IGSF11: variants seen among roughly 807,000 people sequenced by gnomAD.
The protein encoded by IGSF11 is immunoglobulin superfamily member 11, also known as CXADR like 1.
In IGSF11, 22 loss-of-function variants were observed where a neutral mutation model predicts 41.0. The ratio of observed to expected loss-of-function variants is 0.54; its 90% confidence interval spans 0.38 to 0.77. The LOEUF (loss-of-function observed/expected upper bound fraction) is 0.77, where lower values mean the gene tolerates loss of function less well. Ranked by LOEUF, IGSF11 falls within the 30% of genes least tolerant of loss-of-function variation. The probability of loss-of-function intolerance (pLI) is 0.00; values close to 1 mark genes in which losing one functional copy is unlikely to be tolerated. For synonymous variants in IGSF11, 219 were observed against 201.3 expected (o/e 1.09, Z -0.74); for missense variants, 444 against 530.8 (o/e 0.84, Z 1.61).
At chr3:118,943,579 A>G (rs1943880348) in intron 1 of IGSF11, among the ~76,000 whole-genome samples, 1 of 152,218 alleles carries the variant, frequency 6.6e-6, no homozygotes, top group African/African-American at 2.4e-5. Context: ...AGAGAAAATA[A>G]AATTTCTTGC....
At chr3:119,136,403 C>T (rs2077562514) in intron 1 of IGSF11, among the ~76,000 whole-genome samples, 1 of 151,978 alleles carries the variant, frequency 6.6e-6, no homozygotes, top group Non-Finnish European at 1.5e-5. Flanking sequence ...AAAAACATGA[C>T]CCAATGATCT....
At chr3:119,132,105 C>T (rs1323530522) in intron 1 of IGSF11, among the ~76,000 whole-genome samples, 2 of 152,044 alleles carry the variant, frequency 1.3e-5, no homozygotes, top group Non-Finnish European at 2.9e-5. Flanking sequence ...ACATGCCAAA[C>T]TGTAAAGACC....
At chr3:118,994,654 G>C (rs1936098395) in intron 1 of IGSF11, among the ~76,000 whole-genome samples, 1 of 152,184 alleles carries the variant, frequency 6.6e-6, no homozygotes, top group Admixed American at 6.5e-5. Context: ...AGAGAGAAGA[G>C]ATGAGACGAG....
intron 1 of IGSF11, among the ~76,000 whole-genome samples, chr3:119,015,985 G>A (rs1050398069): frequency 6.6e-6 from 1 of 152,330 alleles, no homozygotes. Context: ...GAATGGGGGT[G>A]CAGGTGCAAA....
upstream of IGSF11, among the ~76,000 whole-genome samples, chr3:119,108,010 G>T (rs1029156734): frequency 9.9e-5 from 15 of 151,580 alleles, no homozygotes; most frequent in South Asian, 2.9e-3. Context: ...ATAGTTTGAA[G>T]TCAGGTAGTG....
chr3:119,105,106 T>G (rs2077000597), intron 1 of IGSF11: 1 of 1,391,842 alleles, frequency 7.2e-7, no homozygotes, highest in Non-Finnish European at 1.0e-6. Context: ...TAATAACCAC[T>G]AATAGTAATA....
chr3:118,974,149 T>C (rs1207939169), intron 1 of IGSF11, among the ~76,000 whole-genome samples: 1 of 151,974 alleles, frequency 6.6e-6, no homozygotes, highest in Non-Finnish European at 1.5e-5. Context: ...ATAGGGTTCA[T>C]ACAGAAGAGC....
At chr3:119,058,080 A>G (rs1344476200) in intron 1 of IGSF11, among the ~76,000 whole-genome samples, 2 of 152,254 alleles carry the variant, frequency 1.3e-5, no homozygotes, top group African/African-American at 4.8e-5. Context: ...CTTCATGTCT[A>G]AAACACCAAA....
At chr3:119,111,237 G>A (rs192156117) in intron 1 of IGSF11, among the ~76,000 whole-genome samples, 11 of 152,298 alleles carry the variant, frequency 7.2e-5, no homozygotes, top group Admixed American at 3.3e-4. Flanking sequence ...CCAATCAGAC[G>A]TAGATTTGGT....
At chr3:118,904,867 G>A (rs1332559983) in intron 5 of IGSF11, 69 bp from the exon 6 acceptor site, 2 of 1,267,396 alleles carry the variant, frequency 1.6e-6, no homozygotes, top group Admixed American at 2.3e-5. Context: ...CCATGCAACT[G>A]TAATAAGCAC....
At chr3:118,971,817 A>AG (rs1553765857) in intron 1 of IGSF11, among the ~76,000 whole-genome samples, 44 of 151,766 alleles carry the variant, frequency 2.9e-4, no homozygotes, top group Admixed American at 2.2e-3. Context: ...AAAAAAAAAA[A>AG]AAGAAGAAAC....
At chr3:119,059,175 C>T (rs999977437) in intron 1 of IGSF11, among the ~76,000 whole-genome samples, 43 of 81,614 alleles carry the variant, frequency 5.3e-4, no homozygotes, top group African/African-American at 2.5e-3. Context: ...TGTATATACA[C>T]AGATCACACA....
intron 1 of IGSF11, among the ~76,000 whole-genome samples, chr3:119,075,021 A>G (rs2107472323): frequency 6.6e-6 from 1 of 152,326 alleles, no homozygotes; most frequent in East Asian, 1.9e-4. Flanking sequence ...GCAAAAAACC[A>G]TACAAAGGAT....
At chr3:119,110,571 G>C (rs1055269525) in intron 1 of IGSF11, among the ~76,000 whole-genome samples, 2 of 152,214 alleles carry the variant, frequency 1.3e-5, no homozygotes, top group Admixed American at 6.5e-5. Context: ...CTTTTAATTG[G>C]AGCATTTAGT....
At chr3:119,038,918 T>C (rs1004654578), upstream of IGSF11, among the ~76,000 whole-genome samples, 7 of 152,164 alleles carry the variant, frequency 4.6e-5, no homozygotes, top group African/African-American at 1.4e-4. Context: ...AAATGTGAGA[T>C]TATATATTTT....
Position 119,051,533 on chromosome 3 carries a change from G to A in IGSF11, c.49+53611C>T, listed in dbSNP as rs1361858482. Among the ~76,000 whole-genome samples, 5 of 152,236 alleles carry A rather than the reference G, an allele frequency of 3.3e-5. 1 individual carries two copies. In the South Asian group the frequency reaches 1.0e-3, roughly 32 times the overall value. On this transcript the variant is annotated intron_variant, in intron 1 of 6. Transcript: ENST00000354673. ...AGATGGCAATACAGTAAGAGTGGGG[G>A]ACTTCAATACTCGACTAACAGCACT...
At chr3:119,107,102 C>A, upstream of IGSF11, among the ~76,000 whole-genome samples, 1 of 152,162 alleles carries the variant, frequency 6.6e-6, no homozygotes, top group Non-Finnish European at 1.5e-5. Flanking sequence ...GGTATATACT[C>A]AGTAATGGGA....
intron 1 of IGSF11, among the ~76,000 whole-genome samples, chr3:119,094,223 T>TTAAAAAAAA (rs1491294473): frequency 1.1e-4 from 4 of 35,066 alleles, no homozygotes; most frequent in Non-Finnish European, 1.7e-4. Context: ...CATAGCGAAG[T>TTAAAAAAAA]AAAAAAAAAA....
intron 1 of IGSF11, among the ~76,000 whole-genome samples, chr3:119,078,232 A>C (rs2076532846): frequency 6.6e-6 from 1 of 152,120 alleles, no homozygotes; most frequent in South Asian, 2.1e-4. Context: ...AAAAGAACAA[A>C]CCCAGAGGCA....
Sources: allele counts gnomAD v4.1 joint callset (sites outside exome capture counted in the v4.1 genomes callset), GRCh38; gene constraint gnomAD v4.1.1; transcripts MANE v1.5; gene names NCBI Gene and HGNC (gene_info 2026-07-23, HGNC 2026-07-21).